The following PIWIL3 variants were observed in gnomAD, a reference collection of about 807,000 sequenced individuals.
PIWIL3 encodes piwi-like protein 3.
Under a neutral mutation model 109.7 loss-of-function variants are expected in PIWIL3, and 101 were observed. The observed-to-expected ratio is 0.92, with a 90% CI of 0.78 to 1.09. The LOEUF is 1.09. Among genes scored for constraint, PIWIL3 ranks in the 50% least tolerant of loss-of-function variants. The pLI, the probability that PIWIL3 is intolerant of heterozygous loss-of-function variation, is 0.00. For missense variants in PIWIL3, 1,031 were observed against 1,072.6 expected (o/e 0.96, Z 0.54); for synonymous variants, 373 against 376.4 (o/e 0.99, Z 0.10).
At chr22:24,729,378 G>A (rs1050386654) in intron 14 of PIWIL3, among the ~76,000 whole-genome samples, 2 of 152,108 alleles carry the variant, frequency 1.3e-5, no homozygotes, top group Non-Finnish European at 2.9e-5. Context: ...ACCCTAGACA[G>A]CTTCCTCATG....
intron 14 of PIWIL3, among the ~76,000 whole-genome samples, chr22:24,733,710 CAACA>C (rs773626716): frequency 3.5e-4 from 30 of 84,572 alleles, no homozygotes; most frequent in South Asian, 1.1e-3. Flanking sequence ...AAAACAACAA[CAACA>C]AAAAAAAACA....
At position 24,746,680 on chromosome 22, in the gene PIWIL3, T is replaced by C. The variant is rs77265408; in HGVS notation, c.1449+2227A>G. 8.0e-3 allele frequency among the ~76,000 whole-genome samples: 1,168 copies of C among 145,302 alleles called. 19 individuals carry two copies. Among genetic ancestry groups the C allele is most frequent in the African/African-American group, 0.028 (1,101 of 39,936 alleles). On this transcript the variant is annotated intron_variant, in intron 12 of 20. Transcript: ENST00000616349. ...TGATAAATTTAATAAAGTTGCAGGA[T>C]ACAAAAAAACAAAAAATCAGTAGCA... is the stretch of plus-strand genomic sequence containing the variant.
At chr22:24,727,218 T>TC (rs1449392859) in intron 16 of PIWIL3, among the ~76,000 whole-genome samples, 1 of 152,232 alleles carries the variant, frequency 6.6e-6, no homozygotes, top group Non-Finnish European at 1.5e-5. Flanking sequence ...CCTGTTCTAA[T>TC]CCCTAGAGCC....
At chr22:24,757,631 C>T (rs1925132110) in intron 4 of PIWIL3, among the ~76,000 whole-genome samples, 1 of 140,768 alleles carries the variant, frequency 7.1e-6, no homozygotes, top group Non-Finnish European at 1.6e-5. Context: ...CACACACACA[C>T]ACACACATAT....
intron 12 of PIWIL3, among the ~76,000 whole-genome samples, chr22:24,748,151 A>C (rs1321670015): frequency 1.3e-5 from 2 of 152,302 alleles, no homozygotes; most frequent in East Asian, 3.9e-4. Context: ...ACTGAAGGTC[A>C]CTGTGTTAAA....
At chr22:24,732,695 C>T (rs1430869760) in intron 14 of PIWIL3, among the ~76,000 whole-genome samples, 2 of 152,004 alleles carry the variant, frequency 1.3e-5, no homozygotes, top group Non-Finnish European at 2.9e-5. Flanking sequence ...TGGCGGCAGG[C>T]GCCTGTAGTC....
intron 16 of PIWIL3, among the ~76,000 whole-genome samples, chr22:24,726,393 C>T (rs1392565239): frequency 3.3e-5 from 5 of 152,014 alleles, no homozygotes; most frequent in African/African-American, 1.2e-4. Context: ...CGCCATTCTC[C>T]TACCTCAGCC....
chr22:24,756,715 G>T lies in PIWIL3; in HGVS notation c.356-10C>A, dbSNP rs1228314347. On this transcript the variant is annotated splice_polypyrimidine_tract_variant and intron_variant, in intron 4 of 20. Coordinates refer to ENST00000616349, the MANE Select transcript of PIWIL3 (RefSeq NM_001255975.1). ...ACTGTACCCTCTGAACCTGAAAAATGGAGCCACATGACAATAAAGAAACAG... is the reference window on the plus strand; with the variant it reads ...ACTGTACCCTCTGAACCTGAAAAATTGAGCCACATGACAATAAAGAAACAG... 6.2e-7 allele frequency: 1 copy of T among 1,600,770 alleles called. No homozygotes were observed. The highest frequency in any genetic ancestry group is 8.6e-7 in the Non-Finnish European group (1 of 1,169,048).
At position 24,757,615 on chromosome 22, in the gene PIWIL3, T is replaced by TACACACACAC. The variant is rs139481317; in HGVS notation, c.355+283_355+292dup. 1.9e-3 allele frequency among the ~76,000 whole-genome samples: 151 copies of TACACACACAC among 79,220 alleles called. 2 individuals are homozygous for TACACACACAC. The highest frequency in any genetic ancestry group is 6.1e-3 in the African/African-American group (128 of 20,832). 52.0% of individuals were successfully genotyped at this position (79,220 alleles called of 152,430 possible). On this transcript the variant is annotated intron_variant, in intron 4 of 20. Coordinates refer to ENST00000616349, the MANE Select transcript of PIWIL3 (RefSeq NM_001255975.1). Reference sequence around the variant, plus strand: ...AGACCGTGTCTCTACAAAATTTACATACACACACACACACACACACACATA... The same window carrying TACACACACAC: ...AGACCGTGTCTCTACAAAATTTACATACACACACACACACACACACACACACACACACATA...
chr22:24,748,926 A>G lies in PIWIL3; in HGVS notation c.1430T>C (p.Ile477Thr), dbSNP rs759376732. The change falls in exon 12 of 21, where the codon ATC becomes ACC. Residue 477 changes from isoleucine to threonine, a missense_variant. Physicochemically the swap from Ile to Thr is moderately conservative, Grantham distance 89 (BLOSUM62 -1). Transcript: ENST00000616349. ...VPGRVLKNAN[I>T]VQGRRMVKAN... ...TCTTACCATTCTTCTGCCTTGCACG[A>G]TGTTTGCGTTTTTCAAAACTCTTCC... 1.2e-5 allele frequency: 19 copies of G among 1,612,356 alleles called. No individual in the cohort carries two copies. Among genetic ancestry groups the G allele is most frequent in the Non-Finnish European group, 1.4e-5 (16 of 1,178,962 alleles).
intron 1 of PIWIL3, among the ~76,000 whole-genome samples, chr22:24,767,918 C>A (rs1298488944): frequency 7.2e-5 from 11 of 152,180 alleles, no homozygotes; most frequent in Non-Finnish European, 5.9e-5. Flanking sequence ...CTCCTTTGCC[C>A]CTCACCTGGG....
At chr22:24,758,840 A>G (rs1002493710) in intron 3 of PIWIL3, among the ~76,000 whole-genome samples, 10 of 152,228 alleles carry the variant, frequency 6.6e-5, no homozygotes, top group Admixed American at 5.2e-4. Context: ...TCATATTAAA[A>G]TGTCAGCAAA....
intron 12 of PIWIL3, among the ~76,000 whole-genome samples, chr22:24,746,623 T>C (rs1230742155): frequency 4.4e-5 from 4 of 91,518 alleles, no homozygotes; most frequent in Non-Finnish European, 7.0e-5. Flanking sequence ...TTTGGAAAAA[T>C]CTAACGACTC....
chr22:24,765,932 T>C (rs1925762738), intron 1 of PIWIL3, among the ~76,000 whole-genome samples: 1 of 152,036 alleles, frequency 6.6e-6, no homozygotes, highest in South Asian at 2.1e-4. Context: ...TAGTTTAGTG[T>C]GTGTGCAGAG....
At chr22:24,762,111 G>T in intron 2 of PIWIL3, 1 of 921,606 alleles carries the variant, frequency 1.1e-6, no homozygotes, top group Non-Finnish European at 1.4e-6. Flanking sequence ...TTCCAAAGAG[G>T]AGTCATTGGC....
intron 19 of PIWIL3, among the ~76,000 whole-genome samples, chr22:24,721,678 G>C (rs1569094211): frequency 6.6e-6 from 1 of 151,812 alleles, no homozygotes; most frequent in Non-Finnish European, 1.5e-5. Context: ...TCTTCGTTTT[G>C]ACTATATTCA....
At chr22:24,735,425 A>G (rs746106085) in intron 13 of PIWIL3, among the ~76,000 whole-genome samples, 2 of 152,216 alleles carry the variant, frequency 1.3e-5, no homozygotes, top group African/African-American at 2.4e-5. Flanking sequence ...ACTTCTCTAG[A>G]AAGTTTTTTA....
Position 24,760,780 on chromosome 22 carries a change from C to CAAAAAA in PIWIL3, c.103-797_103-792dup, listed in dbSNP as rs61469163. Among the ~76,000 whole-genome samples the CAAAAAA allele has an allele frequency of 3.7e-3, 150 of 41,028 alleles. 18 individuals are homozygous for CAAAAAA. The highest frequency in any genetic ancestry group is 8.6e-3 in the African/African-American group (92 of 10,654). The allele number at this position is 41,028 out of a possible 152,430, so 26.9% of individuals were successfully genotyped here. On this transcript the variant is annotated intron_variant, in intron 2 of 20. Coordinates refer to ENST00000616349, the MANE Select transcript of PIWIL3 (RefSeq NM_001255975.1). ...GGGCAACAAGAGCGAAACTCTGTCT[C>CAAAAAA]AAAAAAAAAAAAAAAAAAAAAAAGC...
In PIWIL3 at chr22:24,743,837, T is replaced by C. The variant is rs576436192; in HGVS notation, c.1449+5070A>G. On this transcript the variant is annotated intron_variant, in intron 12 of 20. Coordinates refer to ENST00000616349, the MANE Select transcript of PIWIL3 (RefSeq NM_001255975.1). The stretch of plus-strand genomic sequence containing the variant: ...AAAATTTAAAAAAACAGAAGAAAAA[T>C]GTTTTAAAAAGCAAACGACAAATTT... 3.8e-4 allele frequency among the ~76,000 whole-genome samples: 58 copies of C among 151,902 alleles called. No homozygotes were observed. The Middle Eastern group carries it at 0.01, about 27-fold the overall frequency.
Sources: gnomAD v4.1 joint callset for allele counts (sites outside exome capture counted in the v4.1 genomes callset) on GRCh38, gnomAD v4.1.1 for gene constraint, MANE v1.5 for transcripts, NCBI Gene and HGNC (gene_info 2026-07-23, HGNC 2026-07-21) for gene names.